DNAH11: variants seen among roughly 807,000 people sequenced by gnomAD.
DNAH11 encodes dynein axonemal heavy chain 11, also known as axonemal beta dynein heavy chain 11.
Under a neutral mutation model 526.0 loss-of-function variants are expected in DNAH11, and 442 were observed. The observed-to-expected ratio is 0.84, with a 90% CI of 0.78 to 0.91. DNAH11 has a LOEUF of 0.91. DNAH11 is among the 40% of genes least tolerant of loss of function. The pLI is 0.00. For synonymous variants in DNAH11, 2,461 were observed against 1,935.9 expected (o/e 1.27, Z -7.12); for missense variants, 6,989 against 5,448.7 (o/e 1.28, Z -8.90).
chr7:21,789,149 A>C, intron 60 of DNAH11, 92 bp from the exon 61 acceptor site: 1 of 929,440 alleles, frequency 1.1e-6, no homozygotes, highest in South Asian at 1.5e-5. Flanking sequence ...TTGCTAGATG[A>C]ATTAGAGATT....
intron 54 of DNAH11, among the ~76,000 whole-genome samples, chr7:21,755,382 A>G (rs538242678): frequency 1.8e-4 from 27 of 152,254 alleles, no homozygotes; most frequent in East Asian, 1.7e-3. Context: ...AGTTCACCCA[A>G]TAATTTTTCT....
intron 45 of DNAH11, among the ~76,000 whole-genome samples, chr7:21,726,935 C>CTTTT (rs1330445927): frequency 6.3e-5 from 2 of 31,986 alleles, no homozygotes; most frequent in African/African-American, 1.5e-4. Context: ...ATCCTCTTTT[C>CTTTT]TTTTTTTTTT....
chr7:21,758,372 A>G (rs1786728348), intron 54 of DNAH11, among the ~76,000 whole-genome samples: 1 of 152,218 alleles, frequency 6.6e-6, no homozygotes, highest in South Asian at 2.1e-4. Flanking sequence ...TACAAATATC[A>G]ATGTTTTATT....
At chr7:21,654,481 C>A (rs1414777868) in intron 28 of DNAH11, among the ~76,000 whole-genome samples, 1 of 152,110 alleles carries the variant, frequency 6.6e-6, no homozygotes, top group Non-Finnish European at 1.5e-5. Context: ...TTTATCCATT[C>A]ATCATTTGAT....
intron 55 of DNAH11, among the ~76,000 whole-genome samples, chr7:21,769,912 C>G (rs972009671): frequency 6.6e-6 from 1 of 152,132 alleles, no homozygotes; most frequent in African/African-American, 2.4e-5. Context: ...TTGGCTTCTG[C>G]TGGACTTTGT....
intron 74 of DNAH11, among the ~76,000 whole-genome samples, chr7:21,880,101 A>G (rs1203118905): frequency 6.9e-6 from 1 of 145,716 alleles, no homozygotes; most frequent in African/African-American, 2.5e-5. Flanking sequence ...AAAAAAAAAA[A>G]GAAAGAAAGA....
chr7:21,657,143 C>G (rs1362153519), intron 29 of DNAH11, among the ~76,000 whole-genome samples: 1 of 152,080 alleles, frequency 6.6e-6, no homozygotes, highest in African/African-American at 2.4e-5. Context: ...CTCTAATTGC[C>G]TTTGTTTTAT....
intron 32 of DNAH11, 75 bp from the exon 33 acceptor site, chr7:21,687,024 T>C (rs1400185942): frequency 2.1e-6 from 3 of 1,408,372 alleles, no homozygotes; most frequent in Non-Finnish European, 1.9e-6. Flanking sequence ...AAACTTTTTT[T>C]CTAATGTATT....
chr7:21,781,507 T>G (rs1255697844), intron 57 of DNAH11, among the ~76,000 whole-genome samples: 5 of 152,198 alleles, frequency 3.3e-5, no homozygotes, highest in African/African-American at 4.8e-5. Flanking sequence ...TCTCATTGCT[T>G]TCAAACTGTG....
chr7:21,638,805 AGAAG>A (rs1786987416), intron 27 of DNAH11, 130 bp from the exon 28 acceptor site: 1 of 1,060,186 alleles, frequency 9.4e-7, no homozygotes, highest in African/African-American at 1.6e-5. Context: ...GGTGTAAAAA[AGAAG>A]GAAGTAAGCT....
Position 21,725,987 on chromosome 7 carries a change from A to T in DNAH11, c.7440+3A>T. 5.8e-6 allele frequency: 9 copies of T among 1,546,864 alleles called. No homozygotes were observed. The highest frequency in any genetic ancestry group is 7.9e-6 in the Non-Finnish European group (9 of 1,144,800). ...TGGATCCAGATGTGCCTCTGCAGGTAGGTGTGTGGAACATAGCAATTGTAT... is the reference window on the plus strand; with the variant it reads ...TGGATCCAGATGTGCCTCTGCAGGTTGGTGTGTGGAACATAGCAATTGTAT... On this transcript the variant is annotated splice_donor_region_variant and intron_variant, in intron 45 of 81. Transcript: ENST00000409508.
At chr7:21,772,342 T>TC (rs1423858603) in intron 55 of DNAH11, among the ~76,000 whole-genome samples, 1 of 144,990 alleles carries the variant, frequency 6.9e-6, no homozygotes, top group Admixed American at 7.4e-5. Flanking sequence ...GTTTTTTTTT[T>TC]TTCTTCTTTC....
In DNAH11 at chr7:21,744,923, T is replaced by C; in HGVS notation, c.8370T>C (p.Ala2790=). 1 of 1,611,322 alleles carries C rather than the reference T, an allele frequency of 6.2e-7. No homozygotes were observed. ...AGCCCCTCATTTATTGCCACTTTGC[T>C]GATAGAGGGAAGGACCCACATTACA... ...LQQPLIYCHF[A]DRGKDPHYMP... is the part of the protein sequence containing the mutation. Residue 2790 remains alanine (A), a synonymous_variant, in exon 51 of 82, where the codon GCT becomes GCC. Coordinates refer to ENST00000409508, the MANE Select transcript of DNAH11 (RefSeq NM_001277115.2).
At chr7:21,609,335 C>T (rs892072637) in intron 20 of DNAH11, among the ~76,000 whole-genome samples, 8 of 152,154 alleles carry the variant, frequency 5.3e-5, no homozygotes, top group African/African-American at 1.9e-4. Flanking sequence ...CCTGCCTCAA[C>T]GTCCTGAGTA....
chr7:21,637,656 A>C lies in DNAH11; in HGVS notation c.4771A>C (p.Thr1591Pro). Residue 1591 changes from threonine (T) to proline (P), a missense_variant, in exon 27 of 82, where the codon ACG becomes CCG. Transcript: ENST00000409508. Reference sequence around the variant, plus strand: ...CAAAGTAGAAAATGTGTTAGAAGCAACGTGCAGACCTAATCTCTATGAAAA... The same window carrying C: ...CAAAGTAGAAAATGTGTTAGAAGCACCGTGCAGACCTAATCTCTATGAAAA... ...TAKVENVLEA[T>P]CRPNLYEKLK... 1 of 1,588,436 alleles carries C rather than the reference A, an allele frequency of 6.3e-7. No individual in the cohort carries two copies. The highest frequency in any genetic ancestry group is 2.3e-5 in the East Asian group (1 of 44,012).
chr7:21,801,310 T>G, intron 62 of DNAH11, 35 bp downstream of exon 62: 1 of 1,611,198 alleles, frequency 6.2e-7, no homozygotes, highest in Admixed American at 1.7e-5. Context: ...CTAACTAAAA[T>G]GTTCAGATCA....
chr7:21,691,405 G>T (rs2128475159), intron 35 of DNAH11, among the ~76,000 whole-genome samples: 1 of 151,432 alleles, frequency 6.6e-6, no homozygotes, highest in African/African-American at 2.4e-5. Context: ...TCCCAGCCTG[G>T]TCCCACCCCT....
chr7:21,763,159 T>C (rs1456454693), intron 54 of DNAH11, among the ~76,000 whole-genome samples: 1 of 151,660 alleles, frequency 6.6e-6, no homozygotes, highest in Non-Finnish European at 1.5e-5. Context: ...CTGGCCAACA[T>C]AGTAAAACCC....
intron 68 of DNAH11, among the ~76,000 whole-genome samples, chr7:21,859,589 A>G (rs1391426676): frequency 6.6e-6 from 1 of 152,204 alleles, no homozygotes; most frequent in Non-Finnish European, 1.5e-5. Flanking sequence ...TGTTTACTGT[A>G]TATATCTGTC....
Sources: allele counts gnomAD v4.1 joint callset (sites outside exome capture counted in the v4.1 genomes callset), GRCh38; gene constraint gnomAD v4.1.1; transcripts MANE v1.5; gene names NCBI Gene and HGNC (gene_info 2026-07-23, HGNC 2026-07-21).